KTN1: variants seen among roughly 807,000 people sequenced by gnomAD.
The protein encoded by KTN1 is kinectin.
A neutral mutation model predicts 222.5 loss-of-function variants in KTN1; 130 were observed. The ratio of observed to expected loss-of-function variants is 0.58; its 90% CI spans 0.51 to 0.68. The LOEUF is 0.68. Ranked by LOEUF, KTN1 falls within the 30% of genes least tolerant of loss-of-function variation. The pLI is 0.00. For synonymous variants in KTN1, 512 were observed against 496.3 expected (o/e 1.03, Z -0.42); for missense variants, 1,508 against 1,500.4 (o/e 1.01, Z -0.08).
At chr14:55,611,372 G>C (rs146689166) in intron 1 of KTN1, among the ~76,000 whole-genome samples, 2 of 151,782 alleles carry the variant, frequency 1.3e-5, no homozygotes, top group African/African-American at 2.4e-5. Flanking sequence ...AAAGTGGTGG[G>C]ATTCAGGCAT....
intron 1 of KTN1, among the ~76,000 whole-genome samples, chr14:55,600,852 TCA>T (rs1204964496): frequency 2.6e-5 from 4 of 152,160 alleles, no homozygotes; most frequent in African/African-American, 9.7e-5. Context: ...ATTAAAGCTT[TCA>T]GTTTGTCTAA....
intron 2 of KTN1, among the ~76,000 whole-genome samples, chr14:55,614,424 A>G (rs1326639890): frequency 6.6e-6 from 1 of 152,168 alleles, no homozygotes; most frequent in Non-Finnish European, 1.5e-5. Context: ...TAACCTCACT[A>G]TATAGAGGTG....
At chr14:55,580,718 C>T (rs1259960841) in intron 1 of KTN1, among the ~76,000 whole-genome samples, 2 of 152,116 alleles carry the variant, frequency 1.3e-5, no homozygotes, top group Non-Finnish European at 2.9e-5. Flanking sequence ...CTGGGGTGAC[C>T]GAGGCACCTA....
chr14:55,660,235 G>A (rs2043972138), intron 31 of KTN1, among the ~76,000 whole-genome samples: 1 of 151,900 alleles, frequency 6.6e-6, no homozygotes, highest in South Asian at 2.1e-4. Flanking sequence ...TAGAAATTCC[G>A]GGTGTGATGG....
At chr14:55,676,005 TTTG>T (rs2045864453) in intron 41 of KTN1, 87 bp downstream of exon 41, 4 of 824,408 alleles carry the variant, frequency 4.9e-6, no homozygotes, top group Middle Eastern at 2.3e-4. Context: ...TAATTCTGGA[TTTG>T]TTGTTTTGCA....
chr14:55,659,927 G>GT (rs1233850520), intron 31 of KTN1, among the ~76,000 whole-genome samples: 2 of 151,952 alleles, frequency 1.3e-5, no homozygotes, highest in Non-Finnish European at 2.9e-5. Context: ...GTTTGTTTTT[G>GT]TTTTTTTAGG....
rs763422502 is a variant in KTN1 at position 55,679,623 on chromosome 14, A to G, written c.4007A>G (p.Gln1336Arg). ...VSLNQTVTQLQQLLQAVNQQL... is the reference protein window; with the variant it reads ...VSLNQTVTQLRQLLQAVNQQL... ...CTAAATCAGACTGTAACACAGTTAC[A>G]GCAGTTGCTTCAGGCGGTAAACCAA... is the stretch of plus-strand genomic sequence containing the variant. The change falls in exon 43 of 44, where the codon CAG becomes CGG. Residue 1336 changes from glutamine to arginine, a missense_variant. Transcript: ENST00000395314. The G allele has an allele frequency of 1.9e-6, 3 of 1,613,084 alleles. No individual in the cohort carries two copies. The Admixed American group carries it at 5.0e-5, about 27-fold the overall frequency.
intron 43 of KTN1, chr14:55,683,134 A>G (rs944624299): frequency 5.3e-5 from 8 of 152,172 alleles, no homozygotes; most frequent in Non-Finnish European, 5.9e-5. Context: ...CTTAGCTATC[A>G]TATGGATCAG....
chr14:55,680,629 G>C (rs780054072), intron 43 of KTN1: 2 of 1,045,150 alleles, frequency 1.9e-6, no homozygotes, highest in Non-Finnish European at 2.7e-6. Context: ...AGGTATCCTG[G>C]AAAAGTTGGG....
intron 37 of KTN1, chr14:55,672,290 T>C (rs2045521733): frequency 4.1e-6 from 1 of 241,776 alleles, no homozygotes; most frequent in South Asian, 1.0e-4. Context: ...TGATAAAGAG[T>C]ACCATTACTC....
chr14:55,671,967 C>T, intron 37 of KTN1, 90 bp downstream of exon 37: 1 of 756,764 alleles, frequency 1.3e-6, no homozygotes, highest in East Asian at 2.5e-5. Flanking sequence ...ATTCTTGGGC[C>T]CCAACCCAGC....
intron 1 of KTN1, among the ~76,000 whole-genome samples, chr14:55,588,227 AAG>A (rs1158331127): frequency 1.3e-5 from 2 of 152,238 alleles, no homozygotes; most frequent in Non-Finnish European, 2.9e-5. Context: ...AAATGCTACT[AAG>A]AAAATCATAA....
intron 1 of KTN1, among the ~76,000 whole-genome samples, chr14:55,602,877 G>T (rs2036190518): frequency 6.6e-6 from 1 of 152,060 alleles, no homozygotes; most frequent in Non-Finnish European, 1.5e-5. Flanking sequence ...ACCGTGCCTG[G>T]CCACCATCTT....
chr14:55,667,280 AAAG>A lies in KTN1; in HGVS notation c.3221_3223del (p.Glu1074del). Reference sequence around the variant, plus strand: ...GGTGGAAGCTGTTGAGTTGGAGGCTAAAGAAGTTCTCAAAAAATTATTTCCAAA... The same window carrying A: ...GGTGGAAGCTGTTGAGTTGGAGGCTAAAGTTCTCAAAAAATTATTTCCAAA... On this transcript the variant is annotated inframe_deletion, in exon 34 of 44. Transcript: ENST00000395314. The A allele has an allele frequency of 6.2e-7, 1 of 1,607,796 alleles. No individual in the cohort carries two copies.
At chr14:55,641,278 A>G in intron 17 of KTN1, 70 bp downstream of exon 17, 1 of 865,224 alleles carries the variant, frequency 1.2e-6, no homozygotes, top group Non-Finnish European at 1.8e-6. Flanking sequence ...GAGTGATTCC[A>G]GAAATACTAC....
chr14:55,602,125 A>G (rs1213401286), intron 1 of KTN1, among the ~76,000 whole-genome samples: 1 of 152,232 alleles, frequency 6.6e-6, no homozygotes, highest in East Asian at 1.9e-4. Flanking sequence ...CTGATTAGAA[A>G]TAACTTAGAG....
intron 43 of KTN1, chr14:55,680,147 G>A (rs1566865805): frequency 6.3e-6 from 1 of 158,520 alleles, no homozygotes; most frequent in Non-Finnish European, 1.4e-5. Flanking sequence ...AAAATTGAAA[G>A]CTGGTTTTTA....
At chr14:55,624,057 T>C (rs1379670098) in intron 5 of KTN1, among the ~76,000 whole-genome samples, 3 of 152,218 alleles carry the variant, frequency 2.0e-5, no homozygotes, top group Non-Finnish European at 4.4e-5. Flanking sequence ...ACTGTTCACA[T>C]TTTTCCCCTT....
rs2038440710 is a variant in KTN1 at position 55,616,667 on chromosome 14, G to C, written c.661+13G>C. On this transcript the variant is annotated intron_variant, in intron 3 of 43. Coordinates refer to ENST00000395314, the MANE Select transcript of KTN1 (RefSeq NM_001079521.2). ...AAGACAGAAAATGGTGAGATGTTTA[G>C]ATATGTATTTTTATAATGCTAATTC... 6.3e-7 allele frequency: 1 copy of C among 1,578,070 alleles called. No homozygotes were observed. Among genetic ancestry groups the C allele is most frequent in the African/African-American group, 1.4e-5 (1 of 72,344 alleles).
Sources: allele counts gnomAD v4.1 joint callset (sites outside exome capture counted in the v4.1 genomes callset), GRCh38; gene constraint gnomAD v4.1.1; transcripts MANE v1.5; gene names NCBI Gene and HGNC (gene_info 2026-07-23, HGNC 2026-07-21).